Variants in MEIS2 observed in about 807,000 individuals in gnomAD.
MEIS2 encodes the protein Meis homeobox 2, also known as homeobox protein Meis2.
Under a neutral mutation model 58.6 loss-of-function variants are expected in MEIS2, and 9 were observed. The observed-to-expected ratio is 0.15, with a 90% CI of 0.09 to 0.27. MEIS2 has a LOEUF of 0.27. MEIS2 is among the 10% of genes least tolerant of loss of function. MEIS2 has a pLI of 1.00. For missense variants in MEIS2, 427 were observed against 635.0 expected, an observed-to-expected ratio of 0.67 and a Z score of 3.52; for synonymous variants, 221 against 228.4, an observed-to-expected ratio of 0.97 and a Z score of 0.29.
chr15:36,996,922 G>A (rs926094620), intron 8 of MEIS2, among the ~76,000 whole-genome samples: 3 of 152,192 alleles, frequency 2.0e-5, no homozygotes, highest in African/African-American at 7.2e-5. Context: ...TTTACTCTGA[G>A]AGGTTTTACT....
intron 9 of MEIS2, among the ~76,000 whole-genome samples, chr15:36,944,119 C>T (rs777176096): frequency 1.4e-4 from 21 of 151,998 alleles, no homozygotes; most frequent in Non-Finnish European, 2.4e-4. Context: ...TGGGAAGATA[C>T]GGTAATGCTT....
intron 9 of MEIS2, among the ~76,000 whole-genome samples, chr15:36,920,749 T>G (rs1378805113): frequency 6.6e-6 from 1 of 152,200 alleles, no homozygotes; most frequent in Non-Finnish European, 1.5e-5. Flanking sequence ...TCACCTGTGT[T>G]CTGAGGATAA....
At chr15:36,991,913 A>G (rs62045772) in intron 8 of MEIS2, among the ~76,000 whole-genome samples, 3,795 of 141,232 alleles carry the variant, frequency 0.027, 78 homozygotes, top group Non-Finnish European at 0.039. Context: ...TCAGCCTCCC[A>G]AGTAGCTGGG....
intron 8 of MEIS2, among the ~76,000 whole-genome samples, chr15:36,966,320 A>G (rs560826916): frequency 4.6e-5 from 7 of 152,364 alleles, no homozygotes; most frequent in African/African-American, 1.4e-4. Context: ...CATGTTTTCA[A>G]TAAATATATA....
intron 7 of MEIS2, among the ~76,000 whole-genome samples, chr15:37,076,135 A>G (rs1567264308): frequency 1.3e-5 from 2 of 152,000 alleles, no homozygotes; most frequent in Non-Finnish European, 2.9e-5. Context: ...ATATTTTTAA[A>G]GGCCAAATTA....
At chr15:37,034,283 GGGAACTTAATGGA>G (rs1190263060) in intron 8 of MEIS2, among the ~76,000 whole-genome samples, 1 of 152,138 alleles carries the variant, frequency 6.6e-6, no homozygotes, top group Non-Finnish European at 1.5e-5. Context: ...AGAAAGTCCA[GGGAACTTAATGGA>G]CTTAACTGAG....
intron 8 of MEIS2, among the ~76,000 whole-genome samples, chr15:36,974,608 A>G (rs2059677956): frequency 6.6e-6 from 1 of 152,128 alleles, no homozygotes. Flanking sequence ...CCCACCTTAT[A>G]CTTTCTGGAT....
At chr15:37,060,600 CA>C (rs1322013779) in intron 7 of MEIS2, among the ~76,000 whole-genome samples, 7 of 151,100 alleles carry the variant, frequency 4.6e-5, no homozygotes, top group Non-Finnish European at 1.0e-4. Flanking sequence ...GACACAGACT[CA>C]AAAAGAAAAA....
chr15:37,017,478 G>T (rs1370862940), intron 8 of MEIS2, among the ~76,000 whole-genome samples: 1 of 152,010 alleles, frequency 6.6e-6, no homozygotes, highest in Non-Finnish European at 1.5e-5. Flanking sequence ...GGGTATGGTG[G>T]GTCATGCCTG....
At chr15:36,919,892 TA>T (rs2057427827) in intron 9 of MEIS2, among the ~76,000 whole-genome samples, 1 of 152,204 alleles carries the variant, frequency 6.6e-6, no homozygotes, top group African/African-American at 2.4e-5. Context: ...TGGATGAGCA[TA>T]AACACAATAG....
intron 7 of MEIS2, among the ~76,000 whole-genome samples, chr15:37,045,371 C>T (rs2062619359): frequency 1.3e-5 from 2 of 152,096 alleles, no homozygotes; most frequent in African/African-American, 4.8e-5. Context: ...TTACAACACA[C>T]TAAGAGCCAA....
At chr15:36,976,159 C>G (rs1192436720) in intron 8 of MEIS2, among the ~76,000 whole-genome samples, 1 of 151,854 alleles carries the variant, frequency 6.6e-6, no homozygotes, top group Non-Finnish European at 1.5e-5. Context: ...ATCTCGGCTC[C>G]CTGCAACCTC....
rs185043075 is a variant in MEIS2, at chr15:37,099,629, T to A, written c.-163A>T. The A allele has an allele frequency of 3.6e-4, 349 of 976,072 alleles. 1 individual carries two copies. The highest frequency in any genetic ancestry group is 1.1e-3 in the Admixed American group (35 of 31,890). The allele number at this position is 976,072 out of a possible 1,614,324, so 60.5% of individuals were successfully genotyped here. A position where few individuals can be genotyped will look rare whatever the true frequency, so the allele number is the denominator to read the frequency against. Reference sequence around the variant, plus strand: ...TTTTTAGGGGGGAAAAAAAGCCCAGTCTAGACAACGAAGAATTTTTTTTTC... The same window carrying A: ...TTTTTAGGGGGGAAAAAAAGCCCAGACTAGACAACGAAGAATTTTTTTTTC... On this transcript the variant is annotated 5_prime_UTR_variant, in exon 1 of 12. Transcript: ENST00000561208.
chr15:37,098,735 G>T (rs1226530190), intron 1 of MEIS2, among the ~76,000 whole-genome samples: 3 of 151,980 alleles, frequency 2.0e-5, no homozygotes, highest in Admixed American at 1.3e-4. Flanking sequence ...ACCCCCCTTC[G>T]CCTCCTCTGA....
chr15:37,088,851 G>A (rs1279091662), intron 6 of MEIS2, among the ~76,000 whole-genome samples: 1 of 152,022 alleles, frequency 6.6e-6, no homozygotes, highest in East Asian at 1.9e-4. Context: ...TTTGAATTGT[G>A]TTGGGATATT....
intron 8 of MEIS2, among the ~76,000 whole-genome samples, chr15:37,030,790 A>G (rs1458679542): frequency 1.3e-5 from 2 of 150,602 alleles, no homozygotes; most frequent in African/African-American, 4.9e-5. Flanking sequence ...ACAGGCATGC[A>G]CCACCATGCC....
intron 8 of MEIS2, among the ~76,000 whole-genome samples, chr15:36,954,450 A>G (rs1241950287): frequency 6.8e-6 from 1 of 147,940 alleles, no homozygotes; most frequent in East Asian, 1.9e-4. Context: ...ATTATAATTA[A>G]TTGTAATTAT....
At chr15:36,916,624 T>G (rs1425954698) in intron 9 of MEIS2, among the ~76,000 whole-genome samples, 1 of 151,818 alleles carries the variant, frequency 6.6e-6, no homozygotes, top group East Asian at 1.9e-4. Context: ...GTAGAGATGG[T>G]AGCTTGCTAT....
intron 7 of MEIS2, chr15:37,050,872 A>G (rs1354866045): frequency 6.6e-6 from 1 of 151,820 alleles, no homozygotes; most frequent in African/African-American, 2.4e-5. Context: ...GAAGAAATGA[A>G]GAAACCTGTG....
Sources: gnomAD v4.1 joint callset for allele counts (sites outside exome capture counted in the v4.1 genomes callset) on GRCh38, gnomAD v4.1.1 for gene constraint, MANE v1.5 for transcripts, NCBI Gene and HGNC (gene_info 2026-07-23, HGNC 2026-07-21) for gene names.